DOCK3: variants seen among roughly 807,000 people sequenced by gnomAD.
The protein encoded by DOCK3 is dedicator of cytokinesis protein 3.
DOCK3 carries 60 observed loss-of-function variants against 265.6 expected under a neutral mutation model. The ratio of observed to expected loss-of-function variants is 0.23; its 90% CI spans 0.18 to 0.28. The LOEUF (loss-of-function observed/expected upper bound fraction) is 0.28, where lower values mean the gene tolerates loss of function less well. Among genes scored for constraint, DOCK3 ranks in the 10% least tolerant of loss-of-function variants. DOCK3 has a pLI of 1.00. For synonymous variants in DOCK3, 881 were observed against 938.0 expected, an observed-to-expected ratio of 0.94 and a Z score of 1.11; for missense variants, 1,981 against 2,594.3, an observed-to-expected ratio of 0.76 and a Z score of 5.14.
Position 51,259,120 on chromosome 3 carries a change from C to T in DOCK3, c.2185-1036C>T, listed in dbSNP as rs146766918. 3.1e-3 allele frequency among the ~76,000 whole-genome samples: 465 copies of T among 152,180 alleles called. 2 individuals carry two copies. The highest frequency in any genetic ancestry group is 0.011 in the African/African-American group (451 of 41,520). On this transcript the variant is annotated intron_variant, in intron 22 of 52. Transcript: ENST00000266037. ...GGTGTAGCATTTATGGAGATGAGGC[C>T]GCACACTAAATCCTTCTACAGAATC...
At chr3:51,249,199 T>G (rs1282591015) in intron 22 of DOCK3, among the ~76,000 whole-genome samples, 4 of 102,242 alleles carry the variant, frequency 3.9e-5, no homozygotes, top group Admixed American at 2.1e-4. Context: ...GGCAGGGAGG[T>G]GGGGGGGTCA....
In DOCK3 at chr3:51,356,436, C is replaced by T. The variant is rs566734913; in HGVS notation, c.4446C>T (p.Thr1482=). Residue 1482 remains threonine, a synonymous_variant, in exon 43 of 53, where the codon ACC becomes ACT. Transcript: ENST00000266037. ...TGTGGATTGAACGTACCACACTGAC[C>T]CTGACCCACAGCTTGCCTGGCATCT... The part of the protein sequence containing the change: ...KSLWIERTTL[T]LTHSLPGISR... 2.7e-4 allele frequency: 439 copies of T among 1,613,466 alleles called. 5 individuals are homozygous for T. The South Asian group carries it at 4.4e-3, about 16-fold the overall frequency.
At chr3:51,042,842 A>G (rs1315827949) in intron 5 of DOCK3, among the ~76,000 whole-genome samples, 1 of 152,216 alleles carries the variant, frequency 6.6e-6, no homozygotes. Flanking sequence ...TCTCCTTCAC[A>G]GTTGCCATAA....
chr3:51,192,702 G>T (rs1413220455), intron 12 of DOCK3, among the ~76,000 whole-genome samples: 1 of 152,000 alleles, frequency 6.6e-6, no homozygotes. Context: ...ATCTTGAGTG[G>T]GGATGAATTC....
At chr3:51,153,247 G>A (rs115203818) in intron 10 of DOCK3, among the ~76,000 whole-genome samples, 4,829 of 152,294 alleles carry the variant, frequency 0.032, 116 homozygotes, top group Non-Finnish European at 0.051. Context: ...CTCGCAGGTC[G>A]ATCTTAGACT....
chr3:50,868,977 C>G (rs1161261774), intron 3 of DOCK3, among the ~76,000 whole-genome samples: 1 of 73,568 alleles, frequency 1.4e-5, no homozygotes, highest in South Asian at 5.0e-4. Flanking sequence ...AAAACCAACT[C>G]TTTTTTTTTT....
chr3:50,877,063 T>C (rs2047738282), intron 3 of DOCK3: 1 of 214,912 alleles, frequency 4.7e-6, no homozygotes, highest in African/African-American at 2.4e-5. Flanking sequence ...TGAACACTCC[T>C]GCTCTAAATC....
intron 43 of DOCK3, 38 bp downstream of exon 43, chr3:51,356,531 G>A (rs1280519909): frequency 6.3e-7 from 1 of 1,592,184 alleles, no homozygotes; most frequent in African/African-American, 1.3e-5. Flanking sequence ...CTTCACAACT[G>A]CTCCATCAGC....
chr3:51,113,838 T>G (rs1387911445), intron 9 of DOCK3, among the ~76,000 whole-genome samples: 1 of 152,168 alleles, frequency 6.6e-6, no homozygotes, highest in African/African-American at 2.4e-5. Flanking sequence ...TTGTTAGAAA[T>G]TGATTGTCAC....
intron 3 of DOCK3, among the ~76,000 whole-genome samples, chr3:50,843,558 C>T (rs760114779): frequency 9.2e-5 from 14 of 152,054 alleles, no homozygotes; most frequent in Non-Finnish European, 1.6e-4. Context: ...TGGGAGAGGC[C>T]ATTTTGTGAT....
rs1167119391 is a variant in DOCK3, at chr3:51,356,423, G to A, written c.4433G>A (p.Arg1478His). Residue 1478 changes from arginine (R) to histidine (H), a missense_variant, in exon 43 of 53, where the codon CGT becomes CAT. By Grantham distance (29) the Arg-to-His change is conservative. Coordinates refer to ENST00000266037, the MANE Select transcript of DOCK3 (RefSeq NM_004947.5). ...TCCCTACAGAGCCTGTGGATTGAAC[G>A]TACCACACTGACCCTGACCCACAGC... The part of the protein sequence containing the change: ...ENEFKSLWIE[R>H]TTLTLTHSLP... The A allele has an allele frequency of 6.8e-6, 11 of 1,612,950 alleles. No individual in the cohort carries two copies. Among genetic ancestry groups the A allele is most frequent in the Non-Finnish European group, 9.3e-6 (11 of 1,179,726 alleles).
At chr3:51,376,423 A>G (rs1029180163) in intron 51 of DOCK3, among the ~76,000 whole-genome samples, 2 of 151,766 alleles carry the variant, frequency 1.3e-5, no homozygotes, top group Non-Finnish European at 2.9e-5. Context: ...AGACTGAGCA[A>G]TCCTCCTTAG....
At chr3:50,820,394 G>T (rs559430118) in intron 2 of DOCK3, among the ~76,000 whole-genome samples, 1 of 152,254 alleles carries the variant, frequency 6.6e-6, no homozygotes, top group Admixed American at 6.5e-5. Context: ...CCAAATTGCT[G>T]TCTCACACTT....
chr3:51,304,675 G>A (rs927261662), intron 27 of DOCK3, among the ~76,000 whole-genome samples: 1 of 152,248 alleles, frequency 6.6e-6, no homozygotes, highest in Non-Finnish European at 1.5e-5. Context: ...AGTCTGGGTA[G>A]CACGATCCCT....
intron 19 of DOCK3, among the ~76,000 whole-genome samples, chr3:51,231,606 A>G (rs1172094250): frequency 6.6e-6 from 1 of 151,716 alleles, no homozygotes; most frequent in Non-Finnish European, 1.5e-5. Flanking sequence ...TTTTAATGGA[A>G]TTGTTTTTTG....
At chr3:50,977,282 C>T (rs936083298) in intron 5 of DOCK3, among the ~76,000 whole-genome samples, 10 of 151,876 alleles carry the variant, frequency 6.6e-5, no homozygotes, top group African/African-American at 2.4e-4. Flanking sequence ...CGGCTGGTAC[C>T]GGTTGTTCCT....
chr3:51,175,520 G>T (rs1177981299), intron 12 of DOCK3, among the ~76,000 whole-genome samples: 2 of 151,988 alleles, frequency 1.3e-5, no homozygotes, highest in Non-Finnish European at 2.9e-5. Flanking sequence ...AAAAGCTGGA[G>T]CCAGGTTACA....
chr3:51,252,190 C>T (rs898454290), intron 22 of DOCK3, among the ~76,000 whole-genome samples: 5 of 152,168 alleles, frequency 3.3e-5, no homozygotes, highest in Non-Finnish European at 7.3e-5. Flanking sequence ...GGTATTATTT[C>T]TCAGGGCTCT....
intron 2 of DOCK3, among the ~76,000 whole-genome samples, chr3:50,782,094 A>G (rs1031871351): frequency 6.6e-6 from 1 of 152,120 alleles, no homozygotes; most frequent in Non-Finnish European, 1.5e-5. Flanking sequence ...ATACACATGC[A>G]TATGTCTTTA....
Sources: gnomAD v4.1 joint callset for allele counts (sites outside exome capture counted in the v4.1 genomes callset) on GRCh38, gnomAD v4.1.1 for gene constraint, MANE v1.5 for transcripts, NCBI Gene and HGNC (gene_info 2026-07-23, HGNC 2026-07-21) for gene names.